Variants in SCHIP1 observed in about 807,000 individuals in gnomAD.
SCHIP1 encodes schwannomin interacting protein 1.
Under a neutral mutation model 29.7 loss-of-function variants are expected in SCHIP1, and 8 were observed. The observed-to-expected ratio is 0.27, with a 90% CI of 0.16 to 0.49. The LOEUF is 0.49. Ranked by LOEUF, SCHIP1 falls within the 20% of genes least tolerant of loss-of-function variation. The probability of loss-of-function intolerance (pLI) is 0.99; values close to 1 mark genes in which losing one functional copy is unlikely to be tolerated. For synonymous variants in SCHIP1, 76 were observed against 94.9 expected (o/e 0.80, Z 1.16); for missense variants, 193 against 294.6 (o/e 0.66, Z 2.52).
the SCHIP1 span, among the ~76,000 whole-genome samples, chr3:159,639,576 A>T: frequency 1.3e-5 from 2 of 152,194 alleles, no homozygotes; most frequent in Non-Finnish European, 1.5e-5. Flanking sequence ...GGCTATTTAA[A>T]ACAATGTGTG....
chr3:159,529,272 C>A, the SCHIP1 span, among the ~76,000 whole-genome samples: 6 of 152,138 alleles, frequency 3.9e-5, no homozygotes, highest in African/African-American at 1.4e-4. Flanking sequence ...AAAATAACTT[C>A]TTCGCCTAGT....
At chr3:159,461,571 ACT>A in the SCHIP1 span, among the ~76,000 whole-genome samples, 1 of 150,696 alleles carries the variant, frequency 6.6e-6, no homozygotes, top group Non-Finnish European at 1.5e-5. Context: ...TATATACCAG[ACT>A]CTTTTTTTTT....
the SCHIP1 span, among the ~76,000 whole-genome samples, chr3:159,549,776 A>G: frequency 6.6e-6 from 1 of 152,152 alleles, no homozygotes; most frequent in Non-Finnish European, 1.5e-5. Context: ...GTTAAAAGCC[A>G]TAAAACCAGG....
chr3:159,440,023 T>C, the SCHIP1 span, among the ~76,000 whole-genome samples: 318 of 152,300 alleles, frequency 2.1e-3, 2 homozygotes, highest in African/African-American at 7.4e-3. Context: ...TCTAGGGTTT[T>C]TTATACTTTT....
At chr3:159,627,288 G>A in the SCHIP1 span, among the ~76,000 whole-genome samples, 7 of 152,116 alleles carry the variant, frequency 4.6e-5, no homozygotes, top group South Asian at 2.1e-4. Context: ...TAAGTTATCC[G>A]TAAAAGATTT....
chr3:159,704,417 TAAAA>T, the SCHIP1 span, among the ~76,000 whole-genome samples: 144 of 92,640 alleles, frequency 1.6e-3, no homozygotes, highest in African/African-American at 5.6e-3. Context: ...CAATTTTTTC[TAAAA>T]AAAAAAAAAA....
chr3:159,642,197 G>T, the SCHIP1 span, among the ~76,000 whole-genome samples: 2 of 152,102 alleles, frequency 1.3e-5, no homozygotes, highest in African/African-American at 4.8e-5. Flanking sequence ...TCAATATACT[G>T]TAAAGTGCTA....
chr3:159,592,028 G>A, the SCHIP1 span, among the ~76,000 whole-genome samples: 1 of 151,640 alleles, frequency 6.6e-6, no homozygotes, highest in African/African-American at 2.4e-5. Flanking sequence ...ATTGAGTGTG[G>A]ATTATCTTTG....
At chr3:159,332,645 T>C in the SCHIP1 span, among the ~76,000 whole-genome samples, 6 of 152,128 alleles carry the variant, frequency 3.9e-5, no homozygotes, top group Non-Finnish European at 8.8e-5. Context: ...CTAGTGGAAT[T>C]TTTATGCTTT....
the SCHIP1 span, among the ~76,000 whole-genome samples, chr3:159,596,450 C>T: frequency 1.3e-5 from 2 of 152,096 alleles, no homozygotes; most frequent in Non-Finnish European, 1.5e-5. Flanking sequence ...TATTACTAGG[C>T]ATATACCCAA....
chr3:159,880,759 T>C (rs1455241773), intron 2 of SCHIP1, among the ~76,000 whole-genome samples: 1 of 152,246 alleles, frequency 6.6e-6, no homozygotes, highest in African/African-American at 2.4e-5. Context: ...AATGAATGTG[T>C]GCATGAACAT....
chr3:159,577,560 G>A, the SCHIP1 span, among the ~76,000 whole-genome samples: 1 of 152,114 alleles, frequency 6.6e-6, no homozygotes, highest in African/African-American at 2.4e-5. Flanking sequence ...TGAACAGCAG[G>A]GTGGGAGTGA....
At chr3:159,837,804 A>G (rs1165046823), upstream of SCHIP1, among the ~76,000 whole-genome samples, 4 of 152,052 alleles carry the variant, frequency 2.6e-5, no homozygotes, top group Admixed American at 2.0e-4. Context: ...TCAGAGAAGA[A>G]TGGAGTTTTA....
the SCHIP1 span, among the ~76,000 whole-genome samples, chr3:159,716,656 T>C: frequency 6.6e-6 from 1 of 152,104 alleles, no homozygotes; most frequent in South Asian, 2.1e-4. Context: ...CATTACATAA[T>C]GGTAAAGGGA....
chr3:159,499,744 G>C, the SCHIP1 span, among the ~76,000 whole-genome samples: 1 of 152,168 alleles, frequency 6.6e-6, no homozygotes, highest in Non-Finnish European at 1.5e-5. Flanking sequence ...TGTAACAAGT[G>C]AAAGGTATTA....
the SCHIP1 span, among the ~76,000 whole-genome samples, chr3:159,314,954 C>A: frequency 9.6e-3 from 1,465 of 152,220 alleles, 24 homozygotes; most frequent in African/African-American, 0.033. Flanking sequence ...AGGAACTGTG[C>A]GGCTATGAAC....
the SCHIP1 span, among the ~76,000 whole-genome samples, chr3:159,621,364 T>C: frequency 1.3e-5 from 2 of 152,360 alleles, no homozygotes; most frequent in African/African-American, 2.4e-5. Flanking sequence ...TCTGAATACT[T>C]AGCTGAAGAA....
chr3:159,311,969 A>AG, the SCHIP1 span, among the ~76,000 whole-genome samples: 1 of 152,202 alleles, frequency 6.6e-6, no homozygotes, highest in African/African-American at 2.4e-5. Flanking sequence ...GAAAGGTGGA[A>AG]GATATAGTCA....
At chr3:159,773,040 C>T in the SCHIP1 span, among the ~76,000 whole-genome samples, 4 of 152,346 alleles carry the variant, frequency 2.6e-5, no homozygotes, top group Admixed American at 6.5e-5. Flanking sequence ...TGCGCCCGGC[C>T]TACATTTGCA....
Sources: gnomAD v4.1 joint callset for allele counts (sites outside exome capture counted in the v4.1 genomes callset) on GRCh38, gnomAD v4.1.1 for gene constraint, MANE v1.5 for transcripts, NCBI Gene and HGNC (gene_info 2026-07-23, HGNC 2026-07-21) for gene names.